Variants in CCDC25 observed in about 807,000 individuals in gnomAD.
The protein encoded by CCDC25 is coiled-coil domain containing 25.
A neutral mutation model predicts 35.3 loss-of-function variants in CCDC25; 16 were observed. The observed-to-expected ratio is 0.45, with a 90% CI of 0.31 to 0.69. CCDC25 has a LOEUF of 0.69. Ranked by LOEUF, CCDC25 falls within the 30% of genes least tolerant of loss-of-function variation. CCDC25 has a pLI of 0.06. For missense variants in CCDC25, 179 were observed against 250.7 expected (o/e 0.71, Z 1.93); for synonymous variants, 79 against 80.3 (o/e 0.98, Z 0.09).
intron 5 of CCDC25, 59 bp downstream of exon 5, chr8:27,752,453 C>T (rs1320127757): frequency 9.5e-6 from 12 of 1,265,446 alleles, no homozygotes; most frequent in African/African-American, 1.5e-5. Flanking sequence ...AAAATGTAAT[C>T]CATTTCAGAC....
At chr8:27,745,276 A>T (rs1803566885) in intron 7 of CCDC25, among the ~76,000 whole-genome samples, 1 of 152,140 alleles carries the variant, frequency 6.6e-6, no homozygotes, top group South Asian at 2.1e-4. Context: ...GATTACAGGC[A>T]TGAATCACTT....
At position 27,739,019 on chromosome 8, in the gene CCDC25, G is replaced by A. The variant is rs535078774; in HGVS notation, c.597+1453C>T. On this transcript the variant is annotated intron_variant, in intron 8 of 8. Coordinates refer to ENST00000356537, the MANE Select transcript of CCDC25 (RefSeq NM_018246.3). ...CTTTGCTTCAATTCTAAGCAGCCCT[G>A]TGAAATAATATGTGTCCATTTTACT... Among the ~76,000 whole-genome samples the A allele has an allele frequency of 4.8e-4, 73 of 152,256 alleles. No homozygotes were observed. In the Middle Eastern group the frequency reaches 0.01, roughly 21 times the overall value.
intron 3 of CCDC25, among the ~76,000 whole-genome samples, chr8:27,760,406 T>C (rs1026072818): frequency 6.6e-6 from 1 of 152,204 alleles, no homozygotes; most frequent in Non-Finnish European, 1.5e-5. Context: ...GCCATTCTTA[T>C]TCCCATGAGA....
intron 1 of CCDC25, 47 bp from the exon 2 acceptor site, chr8:27,765,298 CA>C: frequency 2.2e-6 from 3 of 1,357,600 alleles, no homozygotes; most frequent in Non-Finnish European, 3.0e-6. Context: ...TCATCACCAA[CA>C]AAATTGTTTC....
chr8:27,768,265 TGTC>T (rs1426447848), intron 1 of CCDC25, among the ~76,000 whole-genome samples: 1 of 151,842 alleles, frequency 6.6e-6, no homozygotes, highest in East Asian at 1.9e-4. Flanking sequence ...ACTGAAATTA[TGTC>T]ATAATAGAAA....
intron 1 of CCDC25, among the ~76,000 whole-genome samples, chr8:27,770,341 C>T (rs544144684): frequency 2.2e-4 from 33 of 151,954 alleles, no homozygotes; most frequent in Non-Finnish European, 4.0e-4. Context: ...GTACCAGAAT[C>T]GCTTGAACCC....
chr8:27,742,777 G>A (rs1186625081), intron 7 of CCDC25, among the ~76,000 whole-genome samples: 2 of 152,226 alleles, frequency 1.3e-5, no homozygotes, highest in Non-Finnish European at 2.9e-5. Flanking sequence ...TGAGGCAGGA[G>A]AATAGCTTGA....
chr8:27,754,852 G>A (rs906985139), intron 4 of CCDC25, among the ~76,000 whole-genome samples: 1 of 152,170 alleles, frequency 6.6e-6, no homozygotes, highest in Non-Finnish European at 1.5e-5. Flanking sequence ...CCATCCCCAT[G>A]AGCTCATGTT....
Position 27,752,676 on chromosome 8 carries a change from A to G in CCDC25, c.169-89T>C, listed in dbSNP as rs879033414. 1.3e-5 allele frequency: 12 copies of G among 921,526 alleles called. 1 individual carries two copies. The South Asian group carries it at 1.7e-4, about 13-fold the overall frequency. The allele number at this position is 921,526 out of a possible 1,614,324, so 57.1% of individuals were successfully genotyped here. Reference sequence around the variant, plus strand: ...AAGGGCATTTGCTGCCTTACCTACTAGGCATGATTTTACTAAAAGCAGAGG... The same window carrying G: ...AAGGGCATTTGCTGCCTTACCTACTGGGCATGATTTTACTAAAAGCAGAGG... On this transcript the variant is annotated intron_variant, in intron 4 of 8. Transcript: ENST00000356537.
intron 1 of CCDC25, among the ~76,000 whole-genome samples, chr8:27,769,748 TC>T (rs1161605052): frequency 6.6e-6 from 1 of 152,130 alleles, no homozygotes; most frequent in Non-Finnish European, 1.5e-5. Context: ...AAGAGTAGGG[TC>T]TGTGAGTTAC....
At chr8:27,763,563 C>A (rs1291850119) in intron 2 of CCDC25, among the ~76,000 whole-genome samples, 1 of 152,008 alleles carries the variant, frequency 6.6e-6, no homozygotes, top group Non-Finnish European at 1.5e-5. Flanking sequence ...ACTAAAATTA[C>A]AGAAATTAGC....
In CCDC25 at chr8:27,748,233, CG is replaced by C. The variant is rs764938057; in HGVS notation, c.394del (p.Arg132AspfsTer2). 1 of 1,614,042 alleles carries C rather than the reference CG, an allele frequency of 6.2e-7. No homozygotes were observed. The highest frequency in any genetic ancestry group is 8.5e-7 in the Non-Finnish European group (1 of 1,179,972). On this transcript the variant is annotated frameshift_variant, in exon 7 of 9. Transcript: ENST00000356537. LOFTEE classifies it high-confidence loss of function. ...VEKKVNEILN[R>X]LEKTKVERFP... Reference sequence around the variant, plus strand: ...CCGCTCGACTTTGGTCTTTTCTAATCGGTTCAGGATCTCATTTACTTTCTTC... The same window carrying C: ...CCGCTCGACTTTGGTCTTTTCTAATCGTTCAGGATCTCATTTACTTTCTTC...
At chr8:27,748,439 AG>A in intron 6 of CCDC25, 55 bp downstream of exon 6, 1 of 1,368,454 alleles carries the variant, frequency 7.3e-7, no homozygotes, top group South Asian at 1.2e-5. Flanking sequence ...CAGAAAAGAT[AG>A]GATACTCCAT....
chr8:27,741,538 C>T (rs1370843131), intron 7 of CCDC25, among the ~76,000 whole-genome samples: 2 of 152,014 alleles, frequency 1.3e-5, no homozygotes, highest in Admixed American at 6.6e-5. Context: ...AATTAGCAAG[C>T]GTGGTGGCGT....
intron 7 of CCDC25, among the ~76,000 whole-genome samples, chr8:27,741,371 T>C (rs1204512041): frequency 1.3e-5 from 2 of 152,182 alleles, no homozygotes; most frequent in African/African-American, 4.8e-5. Flanking sequence ...TCAATAACTA[T>C]GGTGAAAAGC....
At chr8:27,766,902 A>T (rs1212653187) in intron 1 of CCDC25, among the ~76,000 whole-genome samples, 3 of 152,072 alleles carry the variant, frequency 2.0e-5, no homozygotes, top group Admixed American at 6.6e-5. Flanking sequence ...TATAAAAAAT[A>T]AATGATTATA....
chr8:27,751,514 C>T (rs538405716), intron 5 of CCDC25, among the ~76,000 whole-genome samples: 2 of 152,192 alleles, frequency 1.3e-5, no homozygotes, highest in Admixed American at 6.5e-5. Context: ...GGGAATGCTG[C>T]GCTGCTCTTG....
At chr8:27,742,439 T>C (rs1056257688) in intron 7 of CCDC25, among the ~76,000 whole-genome samples, 1 of 152,242 alleles carries the variant, frequency 6.6e-6, no homozygotes, top group Non-Finnish European at 1.5e-5. Flanking sequence ...GAACAGAGAA[T>C]GTCAGTCCTG....
intron 5 of CCDC25, among the ~76,000 whole-genome samples, chr8:27,751,615 T>G (rs1035982734): frequency 1.2e-4 from 18 of 152,162 alleles, no homozygotes; most frequent in Non-Finnish European, 2.4e-4. Flanking sequence ...TTTCCAACCC[T>G]CTGGAGCATC....
Sources: gnomAD v4.1 joint callset for allele counts (sites outside exome capture counted in the v4.1 genomes callset) on GRCh38, gnomAD v4.1.1 for gene constraint, MANE v1.5 for transcripts, NCBI Gene and HGNC (gene_info 2026-07-23, HGNC 2026-07-21) for gene names.